The following MEGF11 variants were observed in gnomAD, a reference collection of about 807,000 sequenced individuals.
MEGF11 encodes the protein multiple epidermal growth factor-like domains protein 11.
MEGF11 carries 126 observed loss-of-function variants against 146.6 expected under a neutral mutation model. The ratio of observed to expected loss-of-function variants is 0.86; its 90% CI spans 0.74 to 1.00. The LOEUF (loss-of-function observed/expected upper bound fraction) is 1.00. Ranked by LOEUF, MEGF11 falls within the 50% of genes least tolerant of loss-of-function variation. The pLI is 0.00. For synonymous variants in MEGF11, 532 were observed against 583.4 expected, an observed-to-expected ratio of 0.91 and a Z score of 1.27; for missense variants, 1,509 against 1,521.2, an observed-to-expected ratio of 0.99 and a Z score of 0.13.
intron 9 of MEGF11, among the ~76,000 whole-genome samples, chr15:65,958,994 C>T (rs2080761199): frequency 6.6e-6 from 1 of 152,238 alleles, no homozygotes; most frequent in Non-Finnish European, 1.5e-5. Flanking sequence ...CTGCTAACTT[C>T]CATGGGGCCT....
Position 65,957,662 on chromosome 15 carries a change from T to C in MEGF11, c.1172A>G (p.Asn391Ser), listed in dbSNP as rs1567176086. The C allele has an allele frequency of 1.2e-6, 2 of 1,613,950 alleles. No homozygotes were observed. Among genetic ancestry groups the C allele is most frequent in the Admixed American group, 3.3e-5 (2 of 60,020 alleles). The change falls in exon 10 of 26, where the codon AAT (asparagine) becomes AGT (serine). Residue 391 changes from asparagine to serine, a missense_variant. By Grantham distance (46) the Asn-to-Ser change is conservative (BLOSUM62 1). Transcript: ENST00000395614. The stretch of plus-strand genomic sequence containing the variant: ...ATAGTAGCCAACAGGGCAGGATTCA[T>C]TGCAGTGGTGACCAGACCAGCCTGG... Reference protein sequence around the residue: ...CQPGWSGHHCNESCPVGYYGD... With the variant: ...CQPGWSGHHCSESCPVGYYGD...
At chr15:66,061,127 C>A (rs1027354214) in intron 5 of MEGF11, among the ~76,000 whole-genome samples, 2 of 152,222 alleles carry the variant, frequency 1.3e-5, no homozygotes, top group Admixed American at 6.5e-5. Flanking sequence ...CTCCCAGGCG[C>A]CTCACTGAAA....
intron 1 of MEGF11, among the ~76,000 whole-genome samples, chr15:66,129,981 G>A (rs1329148715): frequency 6.6e-6 from 1 of 152,194 alleles, no homozygotes; most frequent in Non-Finnish European, 1.5e-5. Flanking sequence ...TCTGCTCAAT[G>A]TGCAGAGTCC....
At chr15:66,052,819 C>T (rs2084508152) in intron 5 of MEGF11, among the ~76,000 whole-genome samples, 1 of 152,212 alleles carries the variant, frequency 6.6e-6, no homozygotes, top group South Asian at 2.1e-4. Context: ...TATTGAAATT[C>T]CCAGGGAGCT....
At chr15:65,931,266 G>A (rs544612361) in intron 10 of MEGF11, among the ~76,000 whole-genome samples, 1 of 152,304 alleles carries the variant, frequency 6.6e-6, no homozygotes, top group African/African-American at 2.4e-5. Flanking sequence ...CTTTGAAGAT[G>A]GAGGAAGGGG....
intron 1 of MEGF11, among the ~76,000 whole-genome samples, chr15:66,218,624 T>TGTCC (rs2091645963): frequency 6.6e-6 from 1 of 152,106 alleles, no homozygotes; most frequent in South Asian, 2.1e-4. Flanking sequence ...TTTGCTTGCC[T>TGTCC]GTCCACTTGC....
intron 4 of MEGF11, among the ~76,000 whole-genome samples, chr15:66,112,895 T>C (rs189138338): frequency 6.6e-4 from 100 of 152,298 alleles, no homozygotes; most frequent in African/African-American, 2.4e-3. Flanking sequence ...AGACCTTCCC[T>C]GAAAGAACTA....
chr15:66,154,750 C>A (rs998550430), intron 1 of MEGF11, among the ~76,000 whole-genome samples: 2 of 152,240 alleles, frequency 1.3e-5, no homozygotes, highest in Non-Finnish European at 2.9e-5. Context: ...GGCAAAGGAA[C>A]CAACCAGCCA....
intron 1 of MEGF11, among the ~76,000 whole-genome samples, chr15:66,130,005 G>T (rs1170021779): frequency 6.6e-6 from 1 of 152,176 alleles, no homozygotes; most frequent in Non-Finnish European, 1.5e-5. Flanking sequence ...AGTATGCAAA[G>T]CACAGCTGCT....
At chr15:66,181,512 A>G (rs2090547745) in intron 1 of MEGF11, among the ~76,000 whole-genome samples, 1 of 105,204 alleles carries the variant, frequency 9.5e-6, no homozygotes, top group African/African-American at 4.3e-5. Context: ...GTCATCTTCT[A>G]TTCTCTTCTA....
At chr15:66,002,933 C>G (rs1308859228) in intron 5 of MEGF11, among the ~76,000 whole-genome samples, 2 of 151,950 alleles carry the variant, frequency 1.3e-5, no homozygotes, top group African/African-American at 4.8e-5. Flanking sequence ...CAGGATGAAC[C>G]AGGGCTGAGC....
At chr15:66,141,174 A>G (rs554119452) in intron 1 of MEGF11, among the ~76,000 whole-genome samples, 44 of 151,748 alleles carry the variant, frequency 2.9e-4, no homozygotes, top group African/African-American at 1.0e-3. Context: ...ACACAAATTC[A>G]GGACTACCGG....
intron 1 of MEGF11, among the ~76,000 whole-genome samples, chr15:66,249,578 G>A (rs1430649645): frequency 1.3e-5 from 2 of 152,190 alleles, no homozygotes; most frequent in Non-Finnish European, 2.9e-5. Context: ...CTTGGATGGG[G>A]AGGGGGAGGG....
chr15:66,179,622 C>A (rs950034880), intron 1 of MEGF11, among the ~76,000 whole-genome samples: 4 of 152,126 alleles, frequency 2.6e-5, no homozygotes, highest in Admixed American at 6.6e-5. Flanking sequence ...GTAGAGAGTG[C>A]AACCAGGAAA....
intron 2 of MEGF11, among the ~76,000 whole-genome samples, chr15:66,127,727 C>T (rs1459289341): frequency 1.3e-5 from 2 of 152,170 alleles, no homozygotes; most frequent in Admixed American, 6.5e-5. Flanking sequence ...AGGGACCCGG[C>T]CCATTCCCCC....
intron 1 of MEGF11, among the ~76,000 whole-genome samples, chr15:66,219,981 G>A (rs563675105): frequency 6.6e-6 from 1 of 152,234 alleles, no homozygotes; most frequent in South Asian, 2.1e-4. Flanking sequence ...TTTGGAAATA[G>A]GGTCTTTGCA....
chr15:65,909,386 AC>A lies in MEGF11; in HGVS notation c.2897-252del, dbSNP rs767334142. Among the ~76,000 whole-genome samples the A allele has an allele frequency of 1.8e-4, 26 of 146,572 alleles. No homozygotes were observed. The Middle Eastern group carries it at 0.01, about 59-fold the overall frequency. ...CCTCTGCAGGAATTAGTGCTCCTCC[AC>A]CAGGGAGGAGGCAGGGGGAAGAAGC... is the stretch of plus-strand genomic sequence containing the variant. On this transcript the variant is annotated intron_variant, in intron 22 of 25. Transcript: ENST00000395614.
intron 5 of MEGF11, among the ~76,000 whole-genome samples, chr15:66,064,408 A>G (rs1341693976): frequency 1.3e-5 from 2 of 152,192 alleles, no homozygotes; most frequent in African/African-American, 4.8e-5. Context: ...AAACAACTTC[A>G]AATCCCATTA....
chr15:66,096,407 C>CG (rs2086555556), intron 4 of MEGF11, among the ~76,000 whole-genome samples: 1 of 152,226 alleles, frequency 6.6e-6, no homozygotes, highest in African/African-American at 2.4e-5. Context: ...GAGGCCTGAG[C>CG]GTTCATGGCC....
Sources: allele counts gnomAD v4.1 joint callset (sites outside exome capture counted in the v4.1 genomes callset), GRCh38; gene constraint gnomAD v4.1.1; transcripts MANE v1.5; gene names NCBI Gene and HGNC (gene_info 2026-07-23, HGNC 2026-07-21).